Variants in FRMPD1 observed in about 807,000 individuals in gnomAD.
The protein encoded by FRMPD1 is FERM and PDZ domain containing 1, also known as FERM and PDZ domain-containing protein 1.
FRMPD1 carries 76 observed loss-of-function variants against 117.8 expected under a neutral mutation model. The ratio of observed to expected loss-of-function variants is 0.65; its 90% CI spans 0.54 to 0.78. FRMPD1 has a LOEUF of 0.78. FRMPD1 is among the 30% of genes least tolerant of loss of function. The pLI is 0.00. For missense variants in FRMPD1, 1,786 were observed against 1,964.5 expected (o/e 0.91, Z 1.72); for synonymous variants, 783 against 770.4 (o/e 1.02, Z -0.27).
At position 37,744,996 on chromosome 9, in the gene FRMPD1, A is replaced by G. The variant is rs188732021; in HGVS notation, c.2964A>G (p.Gln988=). 2 of 1,614,106 alleles carry G rather than the reference A, an allele frequency of 1.2e-6. No homozygotes were observed. The highest frequency in any genetic ancestry group is 1.7e-6 in the Non-Finnish European group (2 of 1,180,000). The change falls in exon 16 of 16, where the codon CAA becomes CAG. Residue 988 remains glutamine, a synonymous_variant. Coordinates refer to ENST00000377765, the MANE Select transcript of FRMPD1 (RefSeq NM_014907.3). ...GPDTAQARPS[Q]ILPLSQDLDG... ...ATACTGCTCAGGCAAGGCCTTCCCA[A>G]ATCTTACCTCTATCTCAAGACCTGG...
At chr9:37,637,964 CT>C in the FRMPD1 span, among the ~76,000 whole-genome samples, 1,147 of 32,082 alleles carry the variant, frequency 0.036, 160 homozygotes, top group African/African-American at 0.11. Context: ...ATGGTGTATG[CT>C]TTCTTTCTTT....
At chr9:37,680,872 G>A (rs1821704309) in intron 1 of FRMPD1, among the ~76,000 whole-genome samples, 1 of 152,126 alleles carries the variant, frequency 6.6e-6, no homozygotes, top group South Asian at 2.1e-4. Context: ...GATGGAGGAG[G>A]AAGAAGAATG....
chr9:37,684,175 A>G (rs1427120801), intron 1 of FRMPD1, among the ~76,000 whole-genome samples: 1 of 152,198 alleles, frequency 6.6e-6, no homozygotes. Context: ...TGCCATCCCA[A>G]GGCTGGGGGG....
At chr9:37,729,130 TC>T (rs1823748423) in intron 7 of FRMPD1, among the ~76,000 whole-genome samples, 2 of 151,182 alleles carry the variant, frequency 1.3e-5, no homozygotes, top group Non-Finnish European at 2.9e-5. Context: ...CGCCTATAAT[TC>T]CAGCTCTTTT....
At chr9:37,724,408 G>A in intron 7 of FRMPD1, 88 bp downstream of exon 7, 1 of 697,250 alleles carries the variant, frequency 1.4e-6, no homozygotes, top group South Asian at 1.6e-5. Flanking sequence ...CATCTGCCTT[G>A]GTGGTCTCAC....
chr9:37,699,277 A>C (rs555962977), intron 2 of FRMPD1, among the ~76,000 whole-genome samples: 14 of 151,996 alleles, frequency 9.2e-5, no homozygotes, highest in Non-Finnish European at 1.5e-4. Context: ...TTATACTATT[A>C]AAACAAATAA....
chr9:37,643,429 T>C, the FRMPD1 span, among the ~76,000 whole-genome samples: 3 of 152,330 alleles, frequency 2.0e-5, no homozygotes, highest in East Asian at 5.8e-4. Context: ...GTTCTCCTTT[T>C]TCATCTTTCA....
At chr9:37,610,523 C>A in the FRMPD1 span, among the ~76,000 whole-genome samples, 1 of 151,794 alleles carries the variant, frequency 6.6e-6, no homozygotes, top group Admixed American at 6.6e-5. Flanking sequence ...TGTCCTATAT[C>A]TCTCTTTTTC....
chr9:37,746,642 C>G lies in FRMPD1; in HGVS notation c.4610C>G (p.Ala1537Gly), dbSNP rs1383705462. ...TACACCTACCATCAGTTTATAGAGG[C>G]TGCTAAATCGACCTGCGAGAGAGGC... ...VVYTYHQFIE[A>G]AKSTCERGYH... Residue 1537 changes from alanine (A) to glycine (G), a missense_variant, in exon 16 of 16, where the codon GCT becomes GGT. Ala to Gly is a moderately conservative substitution (Grantham distance 60). Transcript: ENST00000377765. 1 of 1,613,916 alleles carries G rather than the reference C, an allele frequency of 6.2e-7. No homozygotes were observed. The highest frequency in any genetic ancestry group is 1.1e-5 in the South Asian group (1 of 91,086).
intron 1 of FRMPD1, among the ~76,000 whole-genome samples, chr9:37,688,194 A>G (rs1563932096): frequency 2.0e-5 from 3 of 150,658 alleles, no homozygotes; most frequent in Admixed American, 6.6e-5. Flanking sequence ...CATATATACA[A>G]GTATATACAT....
In FRMPD1 at chr9:37,746,624, A is replaced by G. The variant is rs138596324; in HGVS notation, c.4592A>G (p.Tyr1531Cys). 2.7e-5 allele frequency: 44 copies of G among 1,613,732 alleles called. 1 individual carries two copies. The African/African-American group carries it at 4.9e-4, about 18-fold the overall frequency. The change falls in exon 16 of 16, where the codon TAC becomes TGC. Residue 1531 changes from tyrosine to cysteine, a missense_variant. Tyr to Cys is a radical substitution (Grantham distance 194). Coordinates refer to ENST00000377765, the MANE Select transcript of FRMPD1 (RefSeq NM_014907.3). ...AACCTGAGGGATGTGGTGTACACCT[A>G]CCATCAGTTTATAGAGGCTGCTAAA... ...AGNLRDVVYTYHQFIEAAKST... is the reference protein window; with the variant it reads ...AGNLRDVVYTCHQFIEAAKST...
Position 37,715,738 on chromosome 9 carries a change from C to T in FRMPD1, c.409-3331C>T, listed in dbSNP as rs537009202. On this transcript the variant is annotated intron_variant, in intron 5 of 15. Coordinates refer to ENST00000377765, the MANE Select transcript of FRMPD1 (RefSeq NM_014907.3). ...TGCCAAGATATTCATGGTAGCAGAG[C>T]TGATGTTCAGGTATAAAAGTACGGG... is the stretch of plus-strand genomic sequence containing the variant. 1.1e-3 allele frequency: 485 copies of T among 455,902 alleles called. 3 individuals are homozygous for T. The highest frequency in any genetic ancestry group is 4.0e-3 in the South Asian group (261 of 64,478). The allele number at this position is 455,902 out of a possible 1,614,324, so 28.2% of individuals were successfully genotyped here.
the FRMPD1 span, among the ~76,000 whole-genome samples, chr9:37,643,365 C>T: frequency 6.6e-6 from 1 of 151,616 alleles, no homozygotes; most frequent in Non-Finnish European, 1.5e-5. Flanking sequence ...GTTTTAAAAC[C>T]CTCTGACTCA....
chr9:37,603,643 G>GT, the FRMPD1 span, among the ~76,000 whole-genome samples: 1 of 151,534 alleles, frequency 6.6e-6, no homozygotes, highest in Non-Finnish European at 1.5e-5. Flanking sequence ...TGGCTAATAG[G>GT]TTTTTTGTTT....
rs531498194 is a variant in FRMPD1, at chr9:37,698,549, C to CTTTTTTT, written c.101+5831_101+5837dup. Among the ~76,000 whole-genome samples, 40 of 74,598 alleles carry CTTTTTTT rather than the reference C, an allele frequency of 5.4e-4. 1 individual carries two copies. Among genetic ancestry groups the CTTTTTTT allele is most frequent in the African/African-American group, 1.1e-3 (17 of 14,960 alleles). 48.9% of individuals were successfully genotyped at this position (74,598 alleles called of 152,430 possible). ...ACAATAGTATTATGCATCTCATTAT[C>CTTTTTTT]TTTTTTTTTTTTTTTTTTTTTTTTT... On this transcript the variant is annotated intron_variant, in intron 2 of 15. Transcript: ENST00000377765.
At chr9:37,612,344 CTTTTGT>C in the FRMPD1 span, among the ~76,000 whole-genome samples, 8 of 151,764 alleles carry the variant, frequency 5.3e-5, no homozygotes, top group African/African-American at 1.5e-4. Flanking sequence ...TTTGTTTTTG[CTTTTGT>C]TTTTGTTTTT....
At chr9:37,622,018 A>T in the FRMPD1 span, among the ~76,000 whole-genome samples, 1 of 152,210 alleles carries the variant, frequency 6.6e-6, no homozygotes, top group Non-Finnish European at 1.5e-5. Context: ...AATCAGTTGC[A>T]GAGTTGGCTA....
chr9:37,735,512 G>A (rs766778832), intron 12 of FRMPD1, 40 bp from the exon 13 acceptor site: 15 of 1,455,660 alleles, frequency 1.0e-5, no homozygotes, highest in Middle Eastern at 1.7e-4. Flanking sequence ...ATTTTCACTC[G>A]CTTGCGAATG....
chr9:37,633,816 A>G, the FRMPD1 span, among the ~76,000 whole-genome samples: 1 of 152,214 alleles, frequency 6.6e-6, no homozygotes, highest in South Asian at 2.1e-4. Context: ...AGTTATAATC[A>G]TATCACTCTA....
Sources: gnomAD v4.1 joint callset for allele counts (sites outside exome capture counted in the v4.1 genomes callset) on GRCh38, gnomAD v4.1.1 for gene constraint, MANE v1.5 for transcripts, NCBI Gene and HGNC (gene_info 2026-07-23, HGNC 2026-07-21) for gene names.